Variants in C12orf42 observed in about 807,000 individuals in gnomAD.
C12orf42 encodes the protein uncharacterized protein C12orf42.
C12orf42 carries 25 observed loss-of-function variants against 21.6 expected under a neutral mutation model. That is an observed-to-expected ratio of 1.16 (90% CI 0.84 to 1.62). C12orf42 has a LOEUF of 1.62. Ranked by LOEUF, C12orf42 falls within the 40% of genes most tolerant of loss-of-function variation. The pLI is 0.00. For synonymous variants in C12orf42, 174 were observed against 175.0 expected (o/e 0.99, Z 0.05); for missense variants, 483 against 459.3 (o/e 1.05, Z -0.47).
At chr12:103,223,673 C>G in the C12orf42 span, among the ~76,000 whole-genome samples, 3 of 152,070 alleles carry the variant, frequency 2.0e-5, no homozygotes, top group African/African-American at 7.2e-5. Context: ...TATGACTAGA[C>G]AGAAGATAGT....
chr12:103,446,363 C>T (rs763972599), intron 2 of C12orf42, among the ~76,000 whole-genome samples: 25 of 152,010 alleles, frequency 1.6e-4, no homozygotes, highest in Non-Finnish European at 3.7e-4. Context: ...AAAAGGAACT[C>T]TAAATCTCGA....
At chr12:103,416,372 G>A (rs2049334164) in intron 2 of C12orf42, among the ~76,000 whole-genome samples, 1 of 151,970 alleles carries the variant, frequency 6.6e-6, no homozygotes. Context: ...CACTGCACTG[G>A]GCAGAGCTCA....
At chr12:103,528,807 T>G in the C12orf42 span, among the ~76,000 whole-genome samples, 1 of 152,346 alleles carries the variant, frequency 6.6e-6, no homozygotes, top group African/African-American at 2.4e-5. Context: ...AGACACCAAC[T>G]TTGTGCCAAA....
chr12:103,474,402 C>A (rs1953873374), intron 2 of C12orf42, among the ~76,000 whole-genome samples: 1 of 150,660 alleles, frequency 6.6e-6, no homozygotes, highest in Non-Finnish European at 1.5e-5. Flanking sequence ...TATATATATT[C>A]TTGATCTCTG....
chr12:103,084,675 C>G, the C12orf42 span, among the ~76,000 whole-genome samples: 1 of 152,084 alleles, frequency 6.6e-6, no homozygotes, highest in African/African-American at 2.4e-5. Context: ...GGTTATTAAC[C>G]TATACACTGC....
At chr12:103,092,621 C>T in the C12orf42 span, among the ~76,000 whole-genome samples, 1 of 152,148 alleles carries the variant, frequency 6.6e-6, no homozygotes, top group Non-Finnish European at 1.5e-5. Flanking sequence ...TATTCTCCTG[C>T]CTTCCCCACA....
At position 103,458,954 on chromosome 12, in the gene C12orf42, C is replaced by CAAA. The variant is rs34767401; in HGVS notation, c.78+19392_78+19394dup. 1.2e-3 allele frequency among the ~76,000 whole-genome samples: 171 copies of CAAA among 138,664 alleles called. 1 individual carries two copies. Among genetic ancestry groups the CAAA allele is most frequent in the African/African-American group, 4.1e-3 (156 of 38,224 alleles). 91.0% of individuals were successfully genotyped at this position (138,664 alleles called of 152,430 possible). ...TAGACACCAAGATGTATTAAATGTGCAAAAAAAAAAACGTATTAGGGGAAA... is the reference window on the plus strand; with the variant it reads ...TAGACACCAAGATGTATTAAATGTGCAAAAAAAAAAAAAACGTATTAGGGGAAA... On this transcript the variant is annotated intron_variant, in intron 2 of 5. Transcript: ENST00000548883.
At chr12:103,306,996 A>C (rs1593360181) in intron 4 of C12orf42, among the ~76,000 whole-genome samples, 1 of 152,332 alleles carries the variant, frequency 6.6e-6, no homozygotes, top group East Asian at 1.9e-4. Context: ...CTGGGCTACC[A>C]GGAGATGGAA....
At chr12:103,372,901 A>C (rs181479675) in intron 3 of C12orf42, among the ~76,000 whole-genome samples, 1 of 152,314 alleles carries the variant, frequency 6.6e-6, no homozygotes, top group Non-Finnish European at 1.5e-5. Flanking sequence ...ACAAATTTTG[A>C]AATGCAGTAT....
chr12:103,254,679 C>G (rs181414729), intron 10 of C12orf42, among the ~76,000 whole-genome samples: 1 of 152,178 alleles, frequency 6.6e-6, no homozygotes. Flanking sequence ...CAAAACACTG[C>G]GTGTCCTCAC....
chr12:103,442,162 A>G lies in C12orf42; in HGVS notation c.78+36187T>C, dbSNP rs73389719. Reference sequence around the variant, plus strand: ...CCATCTCAAAAATAAATAAGTAAATAAAGTCTGAAATTCCACATTATGAAA... The same window carrying G: ...CCATCTCAAAAATAAATAAGTAAATGAAGTCTGAAATTCCACATTATGAAA... On this transcript the variant is annotated intron_variant, in intron 2 of 5. Coordinates refer to ENST00000548883, the MANE Select transcript of C12orf42 (RefSeq NM_198521.5). 3.2e-3 allele frequency among the ~76,000 whole-genome samples: 489 copies of G among 152,260 alleles called. 4 individuals are homozygous for G. The highest frequency in any genetic ancestry group is 0.011 in the African/African-American group (472 of 41,556).
the C12orf42 span, among the ~76,000 whole-genome samples, chr12:103,229,346 AG>A: frequency 6.6e-6 from 1 of 152,356 alleles, no homozygotes; most frequent in Admixed American, 6.5e-5. Context: ...CTCCAGGCAG[AG>A]TATGACCAAT....
the C12orf42 span, among the ~76,000 whole-genome samples, chr12:103,153,944 G>T: frequency 5.1e-5 from 7 of 136,008 alleles, no homozygotes; most frequent in African/African-American, 1.9e-4. Context: ...GTAAATTGTG[G>T]TATTTTCATA....
intron 10 of C12orf42, among the ~76,000 whole-genome samples, chr12:103,247,033 C>A (rs2034044510): frequency 6.6e-6 from 1 of 150,876 alleles, no homozygotes; most frequent in Admixed American, 6.6e-5. Flanking sequence ...TTTTATAAAG[C>A]TATGTTTTAT....
the C12orf42 span, among the ~76,000 whole-genome samples, chr12:103,230,351 G>C: frequency 1.3e-5 from 2 of 151,972 alleles, no homozygotes; most frequent in African/African-American, 4.8e-5. Context: ...CTTCTTCAAA[G>C]CCAGCAACTG....
downstream of C12orf42, among the ~76,000 whole-genome samples, chr12:103,299,398 A>G (rs2037510569): frequency 6.6e-6 from 1 of 151,856 alleles, no homozygotes; most frequent in Non-Finnish European, 1.5e-5. Flanking sequence ...ATTTGTAAAC[A>G]TTATTCACTA....
the C12orf42 span, among the ~76,000 whole-genome samples, chr12:103,551,904 G>C: frequency 6.6e-6 from 1 of 152,104 alleles, no homozygotes; most frequent in Non-Finnish European, 1.5e-5. Flanking sequence ...AGGAGGAAGA[G>C]AATCACCTTA....
intron 4 of C12orf42, among the ~76,000 whole-genome samples, chr12:103,368,317 T>TCTCACACACACACACACA (rs1555271889): frequency 2.7e-5 from 4 of 146,622 alleles, no homozygotes; most frequent in Admixed American, 6.8e-5. Context: ...TCTCTCTCTC[T>TCTCACACACACACACACA]CACACACACA....
chr12:103,058,425 G>T, the C12orf42 span, among the ~76,000 whole-genome samples: 1 of 152,134 alleles, frequency 6.6e-6, no homozygotes, highest in Non-Finnish European at 1.5e-5. Flanking sequence ...TCTGTAGGTT[G>T]TCTGTTCACT....
Sources: gnomAD v4.1 joint callset for allele counts (sites outside exome capture counted in the v4.1 genomes callset) on GRCh38, gnomAD v4.1.1 for gene constraint, MANE v1.5 for transcripts, NCBI Gene and HGNC (gene_info 2026-07-23, HGNC 2026-07-21) for gene names.